The following PTPRT variants were observed in gnomAD, a reference collection of about 807,000 sequenced individuals.
PTPRT encodes protein tyrosine phosphatase receptor type T.
In PTPRT, 56 loss-of-function variants were observed where a neutral mutation model predicts 176.8. The ratio of observed to expected loss-of-function variants is 0.32; its 90% CI spans 0.26 to 0.40. PTPRT has a LOEUF of 0.40. PTPRT is among the 10% of genes least tolerant of loss of function. The pLI is 1.00. For synonymous variants in PTPRT, 783 were observed against 739.0 expected, an observed-to-expected ratio of 1.06 and a Z score of -0.96; for missense variants, 1,540 against 1,908.2, an observed-to-expected ratio of 0.81 and a Z score of 3.60.
chr20:42,357,110 A>C (rs1487271239), intron 9 of PTPRT, among the ~76,000 whole-genome samples: 1 of 152,224 alleles, frequency 6.6e-6, no homozygotes, highest in Admixed American at 6.5e-5. Context: ...TTTCATCAAT[A>C]AGTCCCTTTT....
At chr20:42,444,292 A>G (rs181964413) in intron 9 of PTPRT, among the ~76,000 whole-genome samples, 99 of 137,130 alleles carry the variant, frequency 7.2e-4, no homozygotes, top group Non-Finnish European at 1.1e-3. Context: ...GCTTATAGGC[A>G]AGAATTAAAC....
chr20:42,279,591 T>C (rs1051085876), intron 13 of PTPRT, among the ~76,000 whole-genome samples: 35 of 152,206 alleles, frequency 2.3e-4, no homozygotes, highest in African/African-American at 7.0e-4. Context: ...AGGAAACTAA[T>C]AGAGGTCCAT....
intron 13 of PTPRT, among the ~76,000 whole-genome samples, chr20:42,276,535 A>AATGT: frequency 2.1e-5 from 1 of 48,464 alleles, no homozygotes; most frequent in African/African-American, 8.8e-5. Context: ...ATATATATAT[A>AATGT]TATATATATA....
chr20:42,054,325 GA>G, the PTPRT span, among the ~76,000 whole-genome samples: 6 of 152,206 alleles, frequency 3.9e-5, no homozygotes, highest in Admixed American at 1.3e-4. Flanking sequence ...TGTTTTGGGT[GA>G]GAGTCCAAAC....
intron 13 of PTPRT, among the ~76,000 whole-genome samples, chr20:42,274,288 T>A (rs2056987817): frequency 6.6e-6 from 1 of 152,136 alleles, no homozygotes; most frequent in South Asian, 2.1e-4. Context: ...TGCTTTCTCT[T>A]CCCCTGCTCA....
intron 6 of PTPRT, among the ~76,000 whole-genome samples, chr20:42,736,846 C>A (rs889610604): frequency 6.6e-6 from 1 of 151,990 alleles, no homozygotes; most frequent in Non-Finnish European, 1.5e-5. Context: ...AGGACCAGCC[C>A]CCAGCCTCTC....
chr20:42,220,952 C>T (rs2055872466), intron 15 of PTPRT, among the ~76,000 whole-genome samples: 1 of 152,104 alleles, frequency 6.6e-6, no homozygotes, highest in African/African-American at 2.4e-5. Flanking sequence ...GTTTTAGGGA[C>T]AGTGAGTATA....
intron 13 of PTPRT, among the ~76,000 whole-genome samples, chr20:42,268,212 T>C (rs894466523): frequency 1.1e-4 from 16 of 152,106 alleles, no homozygotes; most frequent in Admixed American, 5.2e-4. Context: ...GGGATGGCAC[T>C]CACAGGCACC....
intron 1 of PTPRT, among the ~76,000 whole-genome samples, chr20:43,075,527 G>C (rs1345752897): frequency 6.6e-6 from 1 of 152,202 alleles, no homozygotes; most frequent in Non-Finnish European, 1.5e-5. Context: ...GATGGAGCTG[G>C]GATTCCTGCA....
chr20:42,913,201 CA>C (rs1978512670), intron 1 of PTPRT, among the ~76,000 whole-genome samples: 2 of 152,244 alleles, frequency 1.3e-5, no homozygotes, highest in South Asian at 4.2e-4. Flanking sequence ...AGTGTTATAA[CA>C]AAGTGCCACA....
chr20:42,267,411 G>A (rs1187672815), intron 13 of PTPRT, among the ~76,000 whole-genome samples: 5 of 152,296 alleles, frequency 3.3e-5, no homozygotes, highest in East Asian at 1.9e-4. Flanking sequence ...AGAAGGATCC[G>A]TATTGAGTTA....
At chr20:42,290,990 A>T (rs1001055531) in intron 12 of PTPRT, among the ~76,000 whole-genome samples, 1 of 152,134 alleles carries the variant, frequency 6.6e-6, no homozygotes, top group African/African-American at 2.4e-5. Context: ...ATTTAATAGG[A>T]TGTAGATTTA....
At position 42,791,179 on chromosome 20, in the gene PTPRT, TG is replaced by T; in HGVS notation, c.486+15del. The T allele has an allele frequency of 6.4e-7, 1 of 1,550,620 alleles. No individual in the cohort carries two copies. Among genetic ancestry groups the T allele is most frequent in the Non-Finnish European group, 8.7e-7 (1 of 1,150,316 alleles). On this transcript the variant is annotated intron_variant, in intron 3 of 30. Coordinates refer to ENST00000373187, the MANE Select transcript of PTPRT (RefSeq NM_007050.6). ...TTACAAATTTTCAAAAATAAAACCA[TG>T]GTAAAATGCCATACCTGATAGAAAT...
chr20:42,816,092 C>A (rs1408233565), intron 2 of PTPRT, among the ~76,000 whole-genome samples: 1 of 152,152 alleles, frequency 6.6e-6, no homozygotes, highest in African/African-American at 2.4e-5. Flanking sequence ...GTAATACTAA[C>A]TGTGAAAAGC....
chr20:43,036,648 G>C (rs1286984338), intron 1 of PTPRT, among the ~76,000 whole-genome samples: 1 of 152,022 alleles, frequency 6.6e-6, no homozygotes, highest in East Asian at 1.9e-4. Context: ...GCTATGAAAG[G>C]TTAGATATTT....
At chr20:42,992,327 T>C (rs1411254661) in intron 1 of PTPRT, among the ~76,000 whole-genome samples, 2 of 152,224 alleles carry the variant, frequency 1.3e-5, no homozygotes, top group African/African-American at 2.4e-5. Context: ...GTAGTTCATA[T>C]ATAGTGTCAA....
chr20:42,653,873 A>C (rs1163968685), intron 7 of PTPRT, among the ~76,000 whole-genome samples: 1 of 152,236 alleles, frequency 6.6e-6, no homozygotes, highest in Non-Finnish European at 1.5e-5. Flanking sequence ...CTATAAAGGC[A>C]TGTAGACACA....
intron 1 of PTPRT, among the ~76,000 whole-genome samples, chr20:43,139,838 A>G (rs2226076): frequency 0.94 from 143,078 of 152,260 alleles, 67,879 homozygotes; most frequent in East Asian, 1. Context: ...CAGCATCGGC[A>G]TCTGGGCCTC....
intron 15 of PTPRT, among the ~76,000 whole-genome samples, chr20:42,213,733 G>A (rs1049568788): frequency 3.3e-5 from 5 of 152,186 alleles, no homozygotes; most frequent in Admixed American, 3.3e-4. Flanking sequence ...CAAGGAGCAC[G>A]GAGGACTGGT....
Sources: allele counts gnomAD v4.1 joint callset (sites outside exome capture counted in the v4.1 genomes callset), GRCh38; gene constraint gnomAD v4.1.1; transcripts MANE v1.5; gene names NCBI Gene and HGNC (gene_info 2026-07-23, HGNC 2026-07-21).